The following FGF14 variants were observed in gnomAD, a reference collection of about 807,000 sequenced individuals.
FGF14 encodes fibroblast growth factor homologous factor 4.
FGF14 carries 5 observed loss-of-function variants against 25.5 expected under a neutral mutation model. The ratio of observed to expected loss-of-function variants is 0.20; its 90% CI spans 0.10 to 0.41. FGF14 has a LOEUF of 0.41. FGF14 is among the 10% of genes least tolerant of loss of function. The pLI, the probability that FGF14 is intolerant of heterozygous loss-of-function variation, is 1.00. For missense variants in FGF14, 222 were observed against 320.1 expected (o/e 0.69, Z 2.34); for synonymous variants, 138 against 118.3 (o/e 1.17, Z -1.08).
chr13:102,214,485 A>C (rs1364543708), intron 1 of FGF14, among the ~76,000 whole-genome samples: 2 of 152,152 alleles, frequency 1.3e-5, no homozygotes, highest in African/African-American at 4.8e-5. Flanking sequence ...CTTTTATGAA[A>C]CTATTTGAGC....
chr13:101,805,757 C>A (rs2041159911), intron 3 of FGF14, among the ~76,000 whole-genome samples: 1 of 152,094 alleles, frequency 6.6e-6, no homozygotes, highest in Non-Finnish European at 1.5e-5. Context: ...AGCAGGTTAA[C>A]TTCAATGTTA....
At chr13:102,177,664 T>G (rs1036523706) in intron 1 of FGF14, among the ~76,000 whole-genome samples, 3 of 152,050 alleles carry the variant, frequency 2.0e-5, no homozygotes, top group Non-Finnish European at 4.4e-5. Flanking sequence ...TCTTAAAGTC[T>G]GCTTGAGTGA....
At chr13:101,733,074 A>G (rs1305818768) in intron 3 of FGF14, among the ~76,000 whole-genome samples, 1 of 152,212 alleles carries the variant, frequency 6.6e-6, no homozygotes, top group Non-Finnish European at 1.5e-5. Context: ...TAAAGAAAAG[A>G]ATATCGTGAA....
At position 102,120,702 on chromosome 13, in the gene FGF14, AT is replaced by A. The variant is rs10611209; in HGVS notation, c.209-245407del. 4.2e-3 allele frequency among the ~76,000 whole-genome samples: 594 copies of A among 140,282 alleles called. 1 individual carries two copies. The highest frequency in any genetic ancestry group is 5.4e-3 in the African/African-American group (203 of 37,724). The allele number at this position is 140,282 out of a possible 152,430, so 92.0% of individuals were successfully genotyped here. On this transcript the variant is annotated intron_variant, in intron 1 of 4. Transcript: ENST00000376131. Reference sequence around the variant, plus strand: ...GCGGCTCATCTACCATAGAAAAGTGATTTTTTTTTTTTTTTTTTCGAGACAG... The same window carrying A: ...GCGGCTCATCTACCATAGAAAAGTGATTTTTTTTTTTTTTTTTCGAGACAG...
chr13:101,881,242 T>C (rs2045693851), intron 1 of FGF14, among the ~76,000 whole-genome samples: 1 of 151,708 alleles, frequency 6.6e-6, no homozygotes, highest in Admixed American at 6.6e-5. Flanking sequence ...AGGAAGGAAA[T>C]CTTTGGAACT....
chr13:101,744,592 T>C (rs1487434074), intron 3 of FGF14, among the ~76,000 whole-genome samples: 2 of 152,038 alleles, frequency 1.3e-5, no homozygotes. Context: ...AATAAGTAAG[T>C]GGTTTTAAAA....
chr13:102,161,637 G>GAAGA (rs2047719402), intron 1 of FGF14, among the ~76,000 whole-genome samples: 1 of 8,672 alleles, frequency 1.2e-4, no homozygotes, highest in Non-Finnish European at 2.2e-4. Context: ...AGAAGAAGAA[G>GAAGA]AAGAAGAAGA....
chr13:101,746,933 C>G (rs1257183099), intron 3 of FGF14, among the ~76,000 whole-genome samples: 1 of 151,922 alleles, frequency 6.6e-6, no homozygotes, highest in Non-Finnish European at 1.5e-5. Flanking sequence ...CATTCTACAC[C>G]TTTTGACTCT....
chr13:101,783,214 G>A (rs560767837), intron 3 of FGF14, among the ~76,000 whole-genome samples: 5 of 152,094 alleles, frequency 3.3e-5, no homozygotes, highest in Non-Finnish European at 5.9e-5. Context: ...GCTCAAGCCT[G>A]TAATCCTAGC....
At chr13:101,958,700 A>G (rs1461929742) in intron 1 of FGF14, among the ~76,000 whole-genome samples, 1 of 152,216 alleles carries the variant, frequency 6.6e-6, no homozygotes, top group Non-Finnish European at 1.5e-5. Flanking sequence ...ACACTCAGAT[A>G]TTCTCTTGTG....
At chr13:102,128,464 T>C (rs1159220482) in intron 1 of FGF14, among the ~76,000 whole-genome samples, 1 of 152,150 alleles carries the variant, frequency 6.6e-6, no homozygotes, top group Non-Finnish European at 1.5e-5. Flanking sequence ...TAATTCCCAT[T>C]TGGCTCTGAA....
At chr13:102,376,891 G>T (rs998776899) in intron 1 of FGF14, among the ~76,000 whole-genome samples, 3 of 152,110 alleles carry the variant, frequency 2.0e-5, no homozygotes, top group Non-Finnish European at 4.4e-5. Context: ...TTTGTTGTTT[G>T]CTGTCACTGG....
At chr13:101,796,814 T>G (rs1417197172) in intron 3 of FGF14, among the ~76,000 whole-genome samples, 2 of 152,000 alleles carry the variant, frequency 1.3e-5, no homozygotes, top group Non-Finnish European at 2.9e-5. Context: ...AGCCCCCCGG[T>G]TGGTAGTACA....
intron 1 of FGF14, among the ~76,000 whole-genome samples, chr13:102,003,523 C>A (rs183373903): frequency 3.3e-5 from 5 of 152,176 alleles, no homozygotes; most frequent in African/African-American, 1.2e-4. Flanking sequence ...CAATGCTAAG[C>A]TGAGGGACCA....
intron 1 of FGF14, among the ~76,000 whole-genome samples, chr13:102,209,995 AAT>A (rs752838230): frequency 1.9e-4 from 29 of 152,082 alleles, no homozygotes; most frequent in Non-Finnish European, 3.2e-4. Flanking sequence ...AGTAATAAGT[AAT>A]GTCACCCCAG....
intron 1 of FGF14, among the ~76,000 whole-genome samples, chr13:102,005,381 C>T (rs1028895979): frequency 3.3e-5 from 5 of 152,186 alleles, no homozygotes; most frequent in South Asian, 2.1e-4. Context: ...GTGTTCAATG[C>T]CAGCACCATA....
intron 1 of FGF14, among the ~76,000 whole-genome samples, chr13:102,227,331 G>T (rs2050869233): frequency 6.6e-6 from 1 of 151,898 alleles, no homozygotes; most frequent in Non-Finnish European, 1.5e-5. Flanking sequence ...TTTCCTCCAT[G>T]CAATGCTTAA....
intron 3 of FGF14, among the ~76,000 whole-genome samples, chr13:101,821,422 A>C (rs1301048165): frequency 6.6e-6 from 1 of 152,008 alleles, no homozygotes; most frequent in East Asian, 1.9e-4. Context: ...ATATGTTGTA[A>C]TTTATTTATC....
intron 3 of FGF14, among the ~76,000 whole-genome samples, chr13:101,857,817 C>T (rs761767774): frequency 6.6e-6 from 1 of 151,914 alleles, no homozygotes; most frequent in Non-Finnish European, 1.5e-5. Flanking sequence ...CAAATAAATA[C>T]ACACTATTGT....
Sources: allele counts gnomAD v4.1 joint callset (sites outside exome capture counted in the v4.1 genomes callset), GRCh38; gene constraint gnomAD v4.1.1; transcripts MANE v1.5; gene names NCBI Gene and HGNC (gene_info 2026-07-23, HGNC 2026-07-21).